Variants in EXOC2 observed in about 807,000 individuals in gnomAD.
EXOC2 encodes the protein SEC5-like 1.
Under a neutral mutation model 131.8 loss-of-function variants are expected in EXOC2, and 70 were observed. The observed-to-expected ratio is 0.53, with a 90% CI of 0.44 to 0.65. EXOC2 has a LOEUF of 0.65. Among genes scored for constraint, EXOC2 ranks in the 30% least tolerant of loss-of-function variants. The probability of loss-of-function intolerance (pLI) is 0.00; values close to 1 mark genes in which losing one functional copy is unlikely to be tolerated. For missense variants in EXOC2, 923 were observed against 1,108.6 expected (o/e 0.83, Z 2.38); for synonymous variants, 411 against 398.4 (o/e 1.03, Z -0.38).
rs1368159765 is a variant in EXOC2 at position 532,496 on chromosome 6, C to A, written c.2353G>T (p.Asp785Tyr). The A allele has an allele frequency of 1.9e-6, 3 of 1,602,710 alleles. No individual in the cohort carries two copies. The highest frequency in any genetic ancestry group is 2.5e-6 in the Non-Finnish European group (3 of 1,176,654). Residue 785 changes from aspartate to tyrosine, a missense_variant, in exon 23 of 28, where the codon GAT becomes TAT. Transcript: ENST00000230449. ...LEPGIYAGYF[D>Y]WKDCLPPTGV... The stretch of plus-strand genomic sequence containing the variant: ...GTTGGAGGCAGGCAGTCCTTCCAAT[C>A]AAAATATCCTGCATAAATTCCAGGT...
At chr6:674,307 A>T (rs966157952) in intron 1 of EXOC2, among the ~76,000 whole-genome samples, 1 of 151,188 alleles carries the variant, frequency 6.6e-6, no homozygotes, top group Admixed American at 6.6e-5. Context: ...ATAATTCTAT[A>T]AAAAAAAATA....
intron 6 of EXOC2, among the ~76,000 whole-genome samples, chr6:612,397 T>C (rs1003428550): frequency 2.0e-5 from 3 of 152,248 alleles, no homozygotes; most frequent in Non-Finnish European, 2.9e-5. Flanking sequence ...TAAGATGCAT[T>C]AATATTTTAA....
At chr6:603,608 T>A (rs1008603650) in intron 7 of EXOC2, among the ~76,000 whole-genome samples, 2 of 151,862 alleles carry the variant, frequency 1.3e-5, no homozygotes, top group Non-Finnish European at 2.9e-5. Context: ...TTTTTCTATC[T>A]TCTTCTTTTT....
chr6:643,028 G>T (rs1178864398), intron 1 of EXOC2, among the ~76,000 whole-genome samples: 2 of 152,102 alleles, frequency 1.3e-5, no homozygotes, highest in African/African-American at 4.8e-5. Flanking sequence ...AATTTGGTAG[G>T]AGAGTTTATA....
chr6:572,814 G>C (rs764517922), intron 12 of EXOC2, among the ~76,000 whole-genome samples, 170 bp from the exon 13 acceptor site: 1 of 152,212 alleles, frequency 6.6e-6, no homozygotes, highest in Non-Finnish European at 1.5e-5. Flanking sequence ...GCAGCGGTAC[G>C]CTCGTCACCA....
intron 13 of EXOC2, among the ~76,000 whole-genome samples, chr6:571,880 T>A (rs528292440): frequency 2.0e-5 from 3 of 152,184 alleles, no homozygotes; most frequent in African/African-American, 7.2e-5. Context: ...GCACTTGAGG[T>A]GAGGTTAGAA....
intron 23 of EXOC2, among the ~76,000 whole-genome samples, chr6:522,756 C>A (rs1005604514): frequency 2.0e-5 from 3 of 152,154 alleles, no homozygotes; most frequent in African/African-American, 7.2e-5. Context: ...TCAGCCAGGT[C>A]TGAGGGGATG....
intron 13 of EXOC2, among the ~76,000 whole-genome samples, chr6:571,524 G>T (rs1217392863): frequency 6.6e-6 from 1 of 152,140 alleles, no homozygotes; most frequent in Non-Finnish European, 1.5e-5. Flanking sequence ...TGAATTTATG[G>T]TCATGGCCAA....
chr6:524,141 T>C (rs1280599823), intron 23 of EXOC2: 1 of 152,140 alleles, frequency 6.6e-6, no homozygotes, highest in Non-Finnish European at 1.5e-5. Context: ...GAAAGAAAAA[T>C]GTCTTATAAT....
At chr6:505,149 A>C (rs115821044) in intron 23 of EXOC2, among the ~76,000 whole-genome samples, 1,554 of 152,220 alleles carry the variant, frequency 0.01, 14 homozygotes, top group South Asian at 0.028. Flanking sequence ...GAAAAAAAAA[A>C]CACGAATACA....
intron 21 of EXOC2, among the ~76,000 whole-genome samples, chr6:551,165 C>T (rs374093247): frequency 1.3e-5 from 2 of 152,188 alleles, no homozygotes; most frequent in South Asian, 2.1e-4. Context: ...AAATGTAGCA[C>T]GTGCAGGTGA....
chr6:587,466 G>A (rs868591925), intron 11 of EXOC2, among the ~76,000 whole-genome samples: 4 of 152,128 alleles, frequency 2.6e-5, no homozygotes, highest in Admixed American at 2.6e-4. Context: ...GGATGGTCTC[G>A]ATCTCCTGAC....
At chr6:688,796 G>A (rs569337242) in intron 1 of EXOC2, among the ~76,000 whole-genome samples, 1 of 152,226 alleles carries the variant, frequency 6.6e-6, no homozygotes, top group South Asian at 2.1e-4. Flanking sequence ...CATGACTTCT[G>A]ATTCCTGCTG....
chr6:645,327 T>C (rs1046068540), intron 1 of EXOC2, among the ~76,000 whole-genome samples: 1 of 151,670 alleles, frequency 6.6e-6, no homozygotes. Context: ...ACTAAAATTA[T>C]AAACTATAAA....
intron 23 of EXOC2, among the ~76,000 whole-genome samples, chr6:528,064 G>A (rs1032431195): frequency 3.3e-5 from 5 of 152,090 alleles, no homozygotes; most frequent in African/African-American, 1.2e-4. Context: ...CAGCAGTTTT[G>A]TGACTCAGAA....
At chr6:576,919 A>G (rs971821793) in intron 11 of EXOC2, 37 bp from the exon 12 acceptor site, 24 of 1,601,440 alleles carry the variant, frequency 1.5e-5, no homozygotes, top group Non-Finnish European at 1.7e-6. Context: ...AGTATATAGC[A>G]TGCTCTATAT....
intron 3 of EXOC2, among the ~76,000 whole-genome samples, chr6:630,975 ATCAT>A (rs1325262079): frequency 1.3e-5 from 2 of 152,254 alleles, no homozygotes; most frequent in African/African-American, 4.8e-5. Flanking sequence ...GAACTCCGTT[ATCAT>A]TCAACCTAGC....
intron 23 of EXOC2, among the ~76,000 whole-genome samples, chr6:509,119 C>G (rs1301951847): frequency 6.6e-6 from 1 of 152,196 alleles, no homozygotes; most frequent in Non-Finnish European, 1.5e-5. Context: ...AGCAAACAAC[C>G]TGTTTGCTCT....
At chr6:545,244 A>G (rs1756785554) in intron 22 of EXOC2, among the ~76,000 whole-genome samples, 1 of 152,028 alleles carries the variant, frequency 6.6e-6, no homozygotes, top group Non-Finnish European at 1.5e-5. Context: ...GAAAATCTGG[A>G]AGTATACAAA....
Sources: allele counts gnomAD v4.1 joint callset (sites outside exome capture counted in the v4.1 genomes callset), GRCh38; gene constraint gnomAD v4.1.1; transcripts MANE v1.5; gene names NCBI Gene and HGNC (gene_info 2026-07-23, HGNC 2026-07-21).